Variants in ARHGEF15 observed in about 807,000 individuals in gnomAD.
ARHGEF15 encodes Rho guanine nucleotide exchange factor 15.
In ARHGEF15, 58 loss-of-function variants were observed where a neutral mutation model predicts 79.7. The ratio of observed to expected loss-of-function variants is 0.73; its 90% confidence interval spans 0.59 to 0.91. The LOEUF (loss-of-function observed/expected upper bound fraction) is 0.91, where lower values mean the gene tolerates loss of function less well. Ranked by LOEUF, ARHGEF15 falls within the 40% of genes least tolerant of loss-of-function variation. The pLI, the probability that ARHGEF15 is intolerant of heterozygous loss-of-function variation, is 0.00. For synonymous variants in ARHGEF15, 442 were observed against 456.0 expected (o/e 0.97, Z 0.39); for missense variants, 1,012 against 1,108.1 (o/e 0.91, Z 1.23).
intron 4 of ARHGEF15, 25 bp downstream of exon 4, chr17:8,313,580 C>T (rs1323354382): frequency 7.5e-6 from 12 of 1,603,256 alleles, no homozygotes; most frequent in Non-Finnish European, 1.0e-5. Context: ...CACCCCTACT[C>T]CCTGGTTCTC....
rs753341289 is a variant in ARHGEF15, at chr17:8,318,825, G to A, written c.1948G>A (p.Gly650Ser). The change falls in exon 12 of 16, where the codon GGC (glycine) becomes AGC (serine). Residue 650 changes from glycine (G) to serine (S), a missense_variant. By Grantham distance (56) the Gly-to-Ser change is moderately conservative. Coordinates refer to ENST00000361926, the MANE Select transcript of ARHGEF15 (RefSeq NM_173728.4). This position sits in a 1 kb window ranked among gnomAD's most constrained non-coding sequence, Gnocchi z 5.0. ...ELTELGCRRG[G>S]VLFASRPRFT... ...GACTGAGTTAGGGTGCCGGAGGGGG[G>A]GCGTGCTCTTTGCCTCGCGCCCCCG... 1.2e-6 allele frequency: 2 copies of A among 1,613,530 alleles called. No individual in the cohort carries two copies. Among genetic ancestry groups the A allele is most frequent in the African/African-American group, 1.3e-5 (1 of 74,890 alleles).
In ARHGEF15 at chr17:8,315,559, A is replaced by T. The variant is rs1416149762; in HGVS notation, c.1406A>T (p.Gln469Leu). The T allele has an allele frequency of 6.2e-7, 1 of 1,609,194 alleles. No homozygotes were observed. The highest frequency in any genetic ancestry group is 1.1e-5 in the South Asian group (1 of 91,072). ...CTCTTCTCCAATGTGCAGCGAGTCC[A>T]GGGAGTCAGCGAGCGGTCAGTGGCT... Reference protein sequence around the residue: ...HTLFSNVQRVQGVSERFLATL... With the variant: ...HTLFSNVQRVLGVSERFLATL... The change falls in exon 7 of 16, where the codon CAG becomes CTG. Residue 469 changes from glutamine to leucine, a missense_variant. By Grantham distance (113) the Gln-to-Leu change is moderately radical (BLOSUM62 -2). Around this residue, in one of 3 missense-constraint regions of ARHGEF15, gnomAD observed 818 missense variants for 882.5 expected, o/e 0.93. Transcript: ENST00000361926. The surrounding 1 kb of genome is among the most constrained non-coding windows in gnomAD (Gnocchi z 4.3).
Position 8,315,700 on chromosome 17 carries a change from C to A in ARHGEF15, c.1422-55C>A, listed in dbSNP as rs1904975894. ...AGTTCCCAAACCTTCTCTCAAGAACCCGGGAGACCTGGCTCTCTGCCCCGC... is the reference window on the plus strand; with the variant it reads ...AGTTCCCAAACCTTCTCTCAAGAACACGGGAGACCTGGCTCTCTGCCCCGC... On this transcript the variant is annotated intron_variant, in intron 7 of 15. Coordinates refer to ENST00000361926, the MANE Select transcript of ARHGEF15 (RefSeq NM_173728.4). This position sits in a 1 kb window ranked among gnomAD's most constrained non-coding sequence, Gnocchi z 4.3. 8 of 1,595,422 alleles carry A rather than the reference C, an allele frequency of 5.0e-6. No homozygotes were observed. The highest frequency in any genetic ancestry group is 5.1e-6 in the Non-Finnish European group (6 of 1,170,760).
In ARHGEF15 at chr17:8,312,205, C is replaced by G. The variant is rs894742462; in HGVS notation, c.166C>G (p.Pro56Ala). 3.8e-6 allele frequency: 6 copies of G among 1,598,904 alleles called. No individual in the cohort carries two copies. Among genetic ancestry groups the G allele is most frequent in the Non-Finnish European group, 3.4e-6 (4 of 1,172,006 alleles). Residue 56 changes from proline (P) to alanine (A), a missense_variant, in exon 2 of 16, where the codon CCA (proline) becomes GCA (alanine). Around this residue, in one of 3 missense-constraint regions of ARHGEF15, gnomAD observed 818 missense variants for 882.5 expected, o/e 0.93. Coordinates refer to ENST00000361926, the MANE Select transcript of ARHGEF15 (RefSeq NM_173728.4). ...LPRNSNDAPT[P>A]MCTPIFWEPP... ...CCGAAACTCCAATGATGCACCAACC[C>G]CAATGTGCACCCCCATCTTCTGGGA... is the stretch of plus-strand genomic sequence containing the variant.
chr17:8,313,641 A>T, intron 4 of ARHGEF15, 86 bp downstream of exon 4: 1 of 1,419,446 alleles, frequency 7.0e-7, no homozygotes, highest in Non-Finnish European at 9.7e-7. Flanking sequence ...CTCCAGCTAA[A>T]TCCCACCTCC....
intron 1 of ARHGEF15, among the ~76,000 whole-genome samples, chr17:8,311,695 C>A (rs1904628068): frequency 6.6e-6 from 1 of 151,830 alleles, no homozygotes; most frequent in Admixed American, 6.6e-5. Context: ...ACACCACACA[C>A]CGTATGCTCC....
chr17:8,310,850 G>A (rs1165624812), intron 1 of ARHGEF15: 1 of 152,046 alleles, frequency 6.6e-6, no homozygotes, highest in Non-Finnish European at 1.5e-5. Flanking sequence ...ACTGAGAGTG[G>A]AGGGGATTCA....
intron 9 of ARHGEF15, among the ~76,000 whole-genome samples, chr17:8,317,218 A>C (rs1905081495): frequency 6.6e-6 from 1 of 152,072 alleles, no homozygotes; most frequent in Non-Finnish European, 1.5e-5. Context: ...CTTGTGCCTC[A>C]GCCTCTAGAG....
chr17:8,315,013 G>A lies in ARHGEF15; in HGVS notation c.1048+49G>A, dbSNP rs958123305. On this transcript the variant is annotated intron_variant, in intron 5 of 15. Coordinates refer to ENST00000361926, the MANE Select transcript of ARHGEF15 (RefSeq NM_173728.4). This position sits in a 1 kb window ranked among gnomAD's most constrained non-coding sequence, Gnocchi z 4.3. ...TCCCTGCTGTGACCATCAAGCAGTG[G>A]GGAAGGGTTTGGGAGCCCTGGGCTT... 1.2e-6 allele frequency: 2 copies of A among 1,613,870 alleles called. No individual in the cohort carries two copies. The highest frequency in any genetic ancestry group is 1.7e-4 in the Middle Eastern group (1 of 6,060).
Position 8,318,034 on chromosome 17 carries a change from A to C in ARHGEF15, c.1705-353A>C, listed in dbSNP as rs976118600. Reference sequence around the variant, plus strand: ...CAGTGAGCCGAGATCGCACCCCTGCACTCCAGCCTGGGTGACAGAGCCAGA... The same window carrying C: ...CAGTGAGCCGAGATCGCACCCCTGCCCTCCAGCCTGGGTGACAGAGCCAGA... On this transcript the variant is annotated intron_variant, in intron 9 of 15. Transcript: ENST00000361926. The surrounding 1 kb of genome is among the most constrained non-coding windows in gnomAD (Gnocchi z 5.0). 5.7e-6 allele frequency: 1 copy of C among 174,706 alleles called. No homozygotes were observed. The highest frequency in any genetic ancestry group is 2.4e-5 in the African/African-American group (1 of 42,030). 10.8% of individuals were successfully genotyped at this position (174,706 alleles called of 1,614,324 possible). A position where few individuals can be genotyped will look rare whatever the true frequency, so the allele number is the denominator to read the frequency against.
intron 9 of ARHGEF15, among the ~76,000 whole-genome samples, 153 bp downstream of exon 9, chr17:8,316,301 A>G (rs1192881216): frequency 6.6e-6 from 1 of 152,202 alleles, no homozygotes; most frequent in Non-Finnish European, 1.5e-5. Flanking sequence ...CTCTCAGCCT[A>G]GGACTCACCA....
chr17:8,312,199 C>A lies in ARHGEF15; in HGVS notation c.160C>A (p.Pro54Thr). 1.2e-6 allele frequency: 2 copies of A among 1,605,840 alleles called. No homozygotes were observed. Among genetic ancestry groups the A allele is most frequent in the South Asian group, 2.2e-5 (2 of 89,668 alleles). The change falls in exon 2 of 16, where the codon CCA (proline) becomes ACA (threonine). Residue 54 changes from proline (P) to threonine (T), a missense_variant. By Grantham distance (38) the Pro-to-Thr change is conservative. Coordinates refer to ENST00000361926, the MANE Select transcript of ARHGEF15 (RefSeq NM_173728.4). ...QELPRNSNDA[P>T]TPMCTPIFWE... ...ACTACCCCGAAACTCCAATGATGCA[C>A]CAACCCCAATGTGCACCCCCATCTT...
chr17:8,318,943 G>A lies in ARHGEF15; in HGVS notation c.2033+33G>A. 6.2e-7 allele frequency: 1 copy of A among 1,608,532 alleles called. No homozygotes were observed. The highest frequency in any genetic ancestry group is 8.5e-7 in the Non-Finnish European group (1 of 1,178,040). On this transcript the variant is annotated intron_variant, in intron 12 of 15. Coordinates refer to ENST00000361926, the MANE Select transcript of ARHGEF15 (RefSeq NM_173728.4). The surrounding 1 kb of genome is among the most constrained non-coding windows in gnomAD (Gnocchi z 5.0). ...CTAGGGAAGGAAGGAGCCCAGGCTG[G>A]AGTGGGCAGGAGGGGTCCAGCGGGA...
Position 8,312,450 on chromosome 17 carries a change from C to A in ARHGEF15, c.411C>A (p.Val137=). The part of the protein sequence containing the change: ...PCTPLLPMAG[V]LAQNGSASAP... Reference sequence around the variant, plus strand: ...CGCCTCTGCTCCCCATGGCTGGAGTCCTGGCTCAGAATGGCTCTGCCTCAG... The same window carrying A: ...CGCCTCTGCTCCCCATGGCTGGAGTACTGGCTCAGAATGGCTCTGCCTCAG... The change falls in exon 2 of 16, where the codon GTC becomes GTA. Residue 137 remains valine (V), a synonymous_variant. Coordinates refer to ENST00000361926, the MANE Select transcript of ARHGEF15 (RefSeq NM_173728.4). The A allele has an allele frequency of 6.2e-7, 1 of 1,613,866 alleles. No individual in the cohort carries two copies. Among genetic ancestry groups the A allele is most frequent in the Non-Finnish European group, 8.5e-7 (1 of 1,179,920 alleles).
rs993141536 is a variant in ARHGEF15 at position 8,319,303 on chromosome 17, C to T, written c.2187-9C>T. 1 of 1,613,320 alleles carries T rather than the reference C, an allele frequency of 6.2e-7. No individual in the cohort carries two copies. Among genetic ancestry groups the T allele is most frequent in the Non-Finnish European group, 8.5e-7 (1 of 1,179,638 alleles). ...GGCCAACTGTGACACTTCCCAATATCCCCACCAGATCAGACATGCAGCGCT... is the reference window on the plus strand; with the variant it reads ...GGCCAACTGTGACACTTCCCAATATTCCCACCAGATCAGACATGCAGCGCT... On this transcript the variant is annotated splice_polypyrimidine_tract_variant and intron_variant, in intron 13 of 15. Coordinates refer to ENST00000361926, the MANE Select transcript of ARHGEF15 (RefSeq NM_173728.4).
chr17:8,320,470 C>T (rs1452636185), intron 15 of ARHGEF15, among the ~76,000 whole-genome samples: 2 of 151,952 alleles, frequency 1.3e-5, no homozygotes, highest in African/African-American at 4.8e-5. Flanking sequence ...GGCCCTGCGG[C>T]TGGTGTGTGA....
rs747413811 is a variant in ARHGEF15, at chr17:8,319,487, AC to A, written c.2270-7del. 6.3e-7 allele frequency: 1 copy of A among 1,587,380 alleles called. No homozygotes were observed. The highest frequency in any genetic ancestry group is 8.6e-7 in the Non-Finnish European group (1 of 1,167,776). ...AAACAGAATCACTTTAATGTCACCC[AC>A]CCCCAACCAGACTGTTCCCAGGAAC... On this transcript the variant is annotated splice_polypyrimidine_tract_variant and intron_variant, in intron 14 of 15. Coordinates refer to ENST00000361926, the MANE Select transcript of ARHGEF15 (RefSeq NM_173728.4).
chr17:8,310,435 A>T (rs1904531165), intron 1 of ARHGEF15, 92 bp downstream of exon 1: 1 of 152,208 alleles, frequency 6.6e-6, no homozygotes. Flanking sequence ...CACCCGGCTC[A>T]GGAGACAGGT....
chr17:8,320,676 G>A (rs1014976406), intron 15 of ARHGEF15, among the ~76,000 whole-genome samples, 166 bp from the exon 16 acceptor site: 16 of 152,154 alleles, frequency 1.1e-4, no homozygotes, highest in East Asian at 3.9e-4. Context: ...TCTCCGAGCT[G>A]CTGTCACCTC....
Sources: gnomAD v4.1 joint callset for allele counts (sites outside exome capture counted in the v4.1 genomes callset) on GRCh38, gnomAD v4.1.1 for gene constraint, gnomAD v4.1.1 regional missense constraint, Gnocchi (gnomAD v3.1) non-coding constraint, MANE v1.5 for transcripts, NCBI Gene and HGNC (gene_info 2026-07-23, HGNC 2026-07-21) for gene names.